The following SIK2 variants were observed in gnomAD, a reference collection of about 807,000 sequenced individuals.
The protein encoded by SIK2 is serine/threonine-protein kinase SIK2.
Under a neutral mutation model 103.2 loss-of-function variants are expected in SIK2, and 29 were observed. The observed-to-expected ratio is 0.28, with a 90% CI of 0.21 to 0.38. SIK2 has a LOEUF of 0.38. Ranked by LOEUF, SIK2 falls within the 10% of genes least tolerant of loss-of-function variation. The pLI, the probability that SIK2 is intolerant of heterozygous loss-of-function variation, is 1.00. For missense variants in SIK2, 879 were observed against 1,171.0 expected (o/e 0.75, Z 3.64); for synonymous variants, 412 against 446.1 (o/e 0.92, Z 0.96).
intron 3 of SIK2, among the ~76,000 whole-genome samples, chr11:111,640,158 T>C (rs1460708636): frequency 6.6e-6 from 1 of 152,234 alleles, no homozygotes; most frequent in Non-Finnish European, 1.5e-5. Context: ...TGCTGTTTTT[T>C]GTGTCTGTAT....
At position 111,616,286 on chromosome 11, in the gene SIK2, A is replaced by G; in HGVS notation, c.179A>G (p.Asn60Ser). ...GATAAGTCTCAGCTGGATGCAGTGA[A>G]CCTTGAGAAAATCTACCGAGAAGTA... ...IIDKSQLDAV[N>S]LEKIYREVQI... Residue 60 changes from asparagine (N) to serine (S), a missense_variant, in exon 2 of 15, where the codon AAC becomes AGC. By Grantham distance (46) the Asn-to-Ser change is conservative. This residue lies in a region of SIK2 where 126 missense variants were observed against 245.5 expected (regional missense o/e 0.51). Coordinates refer to ENST00000304987, the MANE Select transcript of SIK2 (RefSeq NM_015191.3). The G allele has an allele frequency of 6.2e-7, 1 of 1,613,802 alleles. No homozygotes were observed. Among genetic ancestry groups the G allele is most frequent in the Non-Finnish European group, 8.5e-7 (1 of 1,179,832 alleles).
At chr11:111,694,864 T>C (rs948560809) in intron 4 of SIK2, among the ~76,000 whole-genome samples, 1 of 152,200 alleles carries the variant, frequency 6.6e-6, no homozygotes, top group Non-Finnish European at 1.5e-5. Flanking sequence ...ATTTATTTGC[T>C]TCTTAGCTCA....
intron 3 of SIK2, among the ~76,000 whole-genome samples, chr11:111,632,018 A>G (rs1942047107): frequency 6.6e-6 from 1 of 152,172 alleles, no homozygotes; most frequent in African/African-American, 2.4e-5. Context: ...AATACCCCCA[A>G]AATTCTAGAA....
intron 1 of SIK2, among the ~76,000 whole-genome samples, chr11:111,603,088 G>A (rs1312091009): frequency 1.3e-5 from 2 of 152,162 alleles, no homozygotes; most frequent in African/African-American, 2.4e-5. Flanking sequence ...GGGAGGGGAA[G>A]TCTCGGTGTT....
chr11:111,679,274 T>C (rs1353760280), intron 3 of SIK2, among the ~76,000 whole-genome samples: 1 of 152,200 alleles, frequency 6.6e-6, no homozygotes, highest in African/African-American at 2.4e-5. Flanking sequence ...AAGTCAATTG[T>C]AAATAACCTT....
At chr11:111,659,612 G>T (rs139297929) in intron 3 of SIK2, among the ~76,000 whole-genome samples, 1 of 150,156 alleles carries the variant, frequency 6.7e-6, no homozygotes, top group African/African-American at 2.5e-5. Context: ...TGGCTCAAAC[G>T]CATTCTCCAT....
chr11:111,662,614 C>A (rs750956683), intron 3 of SIK2, among the ~76,000 whole-genome samples: 18 of 151,760 alleles, frequency 1.2e-4, no homozygotes, highest in Non-Finnish European at 1.9e-4. Flanking sequence ...CAGTGGCTCA[C>A]GCCTGTAATC....
chr11:111,723,844 ACGACAGCCAGGAGC>A lies in SIK2; in HGVS notation c.2497_2510del (p.Arg833CysfsTer13). On this transcript the variant is annotated frameshift_variant, in exon 15 of 15. Coordinates refer to ENST00000304987, the MANE Select transcript of SIK2 (RefSeq NM_015191.3). LOFTEE classifies it high-confidence loss of function. Reference sequence around the variant, plus strand: ...CACCGCCACCACCCCCTCCACCACCACGACAGCCAGGAGCTGCCCCAGCCCCCTTACAGTTCTCC... The same window carrying A: ...CACCGCCACCACCCCCTCCACCACCATGCCCCAGCCCCCTTACAGTTCTCC... 6.8e-7 allele frequency: 1 copy of A among 1,470,570 alleles called. No individual in the cohort carries two copies. The highest frequency in any genetic ancestry group is 9.1e-7 in the Non-Finnish European group (1 of 1,094,686). The allele number at this position is 1,470,570 out of a possible 1,614,324, so 91.1% of individuals were successfully genotyped here.
chr11:111,683,341 A>G (rs964810478), intron 3 of SIK2: 5 of 152,230 alleles, frequency 3.3e-5, no homozygotes, highest in African/African-American at 9.7e-5. Context: ...TCTCCAAACA[A>G]GCTCTCAAGA....
chr11:111,669,535 A>T (rs1305790007), intron 3 of SIK2, among the ~76,000 whole-genome samples: 3 of 152,092 alleles, frequency 2.0e-5, no homozygotes, highest in Admixed American at 6.6e-5. Flanking sequence ...GTTCTAATCC[A>T]GCCTGGGCAA....
At position 111,721,928 on chromosome 11, in the gene SIK2, GCA is replaced by G; in HGVS notation, c.2046_2047del (p.His682GlnfsTer27). 1 of 1,605,658 alleles carries G rather than the reference GCA, an allele frequency of 6.2e-7. No individual in the cohort carries two copies. Among genetic ancestry groups the G allele is most frequent in the Non-Finnish European group, 8.5e-7 (1 of 1,176,116 alleles). ...RQSLETQYLQ[H>X]RLQKPSLLSK... is the part of the protein sequence containing the mutation. The stretch of plus-strand genomic sequence containing the variant: ...AGAGCCTGGAGACCCAGTACCTGCA[GCA>G]CAGACTCCAGGTGGGTCCTTCTCCT... On this transcript the variant is annotated frameshift_variant, in exon 13 of 15. Transcript: ENST00000304987. LOFTEE classifies it high-confidence loss of function.
intron 1 of SIK2, among the ~76,000 whole-genome samples, chr11:111,604,198 A>G (rs567399657): frequency 6.6e-6 from 1 of 152,376 alleles, no homozygotes; most frequent in South Asian, 2.1e-4. Flanking sequence ...AAAATGAAGA[A>G]ATTGGTTCCA....
At position 111,701,579 on chromosome 11, in the gene SIK2, A is replaced by G. The variant is rs1353945893; in HGVS notation, c.727+4A>G. ...ATTCCGTATTTCATGTCAGAAGGTA[A>G]TCAACTTTTCATCTTATTAATGGTG... On this transcript the variant is annotated splice_donor_region_variant and intron_variant, in intron 6 of 14. Transcript: ENST00000304987. The surrounding 1 kb of genome is among the most constrained non-coding windows in gnomAD (Gnocchi z 4.2). 4 of 1,613,314 alleles carry G rather than the reference A, an allele frequency of 2.5e-6. No homozygotes were observed. In the Admixed American group the frequency reaches 5.0e-5, roughly 20 times the overall value.
chr11:111,709,938 G>A (rs1474627901), intron 8 of SIK2, among the ~76,000 whole-genome samples: 1 of 152,216 alleles, frequency 6.6e-6, no homozygotes, highest in Non-Finnish European at 1.5e-5. Context: ...GCTAGTGAGA[G>A]TCAGGGACGG....
At chr11:111,653,924 T>C (rs1388474856) in intron 3 of SIK2, among the ~76,000 whole-genome samples, 4 of 152,262 alleles carry the variant, frequency 2.6e-5, no homozygotes, top group Non-Finnish European at 5.9e-5. Flanking sequence ...TGTTTTACTT[T>C]GCTTTGTTCT....
At chr11:111,663,031 A>C (rs1402952855) in intron 3 of SIK2, among the ~76,000 whole-genome samples, 2 of 149,448 alleles carry the variant, frequency 1.3e-5, no homozygotes, top group African/African-American at 2.5e-5. Flanking sequence ...CCAGGAGTTC[A>C]AGACCAGCCT....
chr11:111,615,567 A>G (rs1470205325), intron 1 of SIK2, among the ~76,000 whole-genome samples: 1 of 152,158 alleles, frequency 6.6e-6, no homozygotes, highest in African/African-American at 2.4e-5. Flanking sequence ...ATTCACCTTC[A>G]TATGTAATCC....
In SIK2 at chr11:111,717,600, C is replaced by G. The variant is rs182629100; in HGVS notation, c.1267-2175C>G. On this transcript the variant is annotated intron_variant, in intron 9 of 14. Coordinates refer to ENST00000304987, the MANE Select transcript of SIK2 (RefSeq NM_015191.3). ...AGCAATCCCATTACTGGGTATATAC[C>G]CAAAGGAATGTAAATCATTCTATTA... is the stretch of plus-strand genomic sequence containing the variant. 7.5e-3 allele frequency among the ~76,000 whole-genome samples: 1,135 copies of G among 152,138 alleles called. 8 individuals carry two copies. The highest frequency in any genetic ancestry group is 0.061 in the Middle Eastern group (18 of 294).
intron 9 of SIK2, among the ~76,000 whole-genome samples, chr11:111,712,734 T>A (rs573251284): frequency 2.0e-5 from 3 of 152,360 alleles, no homozygotes; most frequent in East Asian, 1.9e-4. Context: ...AACAAAAAAA[T>A]TAACTTTCAT....
Sources: allele counts gnomAD v4.1 joint callset (sites outside exome capture counted in the v4.1 genomes callset), GRCh38; gene constraint gnomAD v4.1.1; regional missense constraint gnomAD v4.1.1; non-coding constraint Gnocchi (gnomAD v3.1); transcripts MANE v1.5; gene names NCBI Gene and HGNC (gene_info 2026-07-23, HGNC 2026-07-21).